The following SPIDR variants were observed in gnomAD, a reference collection of about 807,000 sequenced individuals.
SPIDR encodes DNA repair-scaffolding protein.
In SPIDR, 93 loss-of-function variants were observed where a neutral mutation model predicts 104.6. The observed-to-expected ratio is 0.89, with a 90% confidence interval of 0.75 to 1.06. SPIDR has a LOEUF of 1.06. Ranked by LOEUF, SPIDR falls within the 50% of genes least tolerant of loss-of-function variation. The pLI, the probability that SPIDR is intolerant of heterozygous loss-of-function variation, is 0.00. For synonymous variants in SPIDR, 431 were observed against 416.9 expected (o/e 1.03, Z -0.41); for missense variants, 1,154 against 1,111.2 (o/e 1.04, Z -0.55).
At chr8:47,684,139 A>AG (rs1438337069) in intron 11 of SPIDR, among the ~76,000 whole-genome samples, 5 of 151,388 alleles carry the variant, frequency 3.3e-5, no homozygotes, top group Non-Finnish European at 5.9e-5. Context: ...AAAAAAAAAA[A>AG]AAAAAAAAAA....
chr8:47,421,086 T>C (rs1408060649), intron 7 of SPIDR, among the ~76,000 whole-genome samples: 3 of 152,180 alleles, frequency 2.0e-5, no homozygotes, highest in Admixed American at 6.5e-5. Context: ...CAATTATGTG[T>C]CTTGGAGTTG....
At chr8:47,690,052 G>T (rs1170649513) in intron 11 of SPIDR, among the ~76,000 whole-genome samples, 2 of 150,990 alleles carry the variant, frequency 1.3e-5, no homozygotes, top group African/African-American at 4.9e-5. Context: ...TATAATATTT[G>T]GTTAAAAAAA....
chr8:47,683,897 C>T (rs1207324440), intron 11 of SPIDR, among the ~76,000 whole-genome samples: 1 of 151,860 alleles, frequency 6.6e-6, no homozygotes, highest in East Asian at 1.9e-4. Context: ...GTGGCTGAGG[C>T]GGGTGGATCA....
intron 5 of SPIDR, among the ~76,000 whole-genome samples, chr8:47,320,382 C>T (rs981904485): frequency 1.3e-5 from 2 of 152,168 alleles, no homozygotes; most frequent in African/African-American, 2.4e-5. Flanking sequence ...CATACACCCT[C>T]CCAAGACTAA....
chr8:47,700,007 A>AAT lies in SPIDR; in HGVS notation c.1686-388_1686-387dup, dbSNP rs558527295. ...AGGCTTCAGTCTTTTCCTTTGGCTT[A>AAT]ATATATATAGATGCATGCATAGATA... On this transcript the variant is annotated intron_variant, in intron 11 of 19. Transcript: ENST00000297423. 9.2e-5 allele frequency among the ~76,000 whole-genome samples: 14 copies of AAT among 152,318 alleles called. No individual in the cohort carries two copies. The South Asian group carries it at 2.7e-3, about 29-fold the overall frequency.
chr8:47,367,921 G>GTAGGAC (rs1266285560), intron 5 of SPIDR, among the ~76,000 whole-genome samples: 7 of 152,200 alleles, frequency 4.6e-5, no homozygotes, highest in African/African-American at 1.7e-4. Flanking sequence ...ATTAGAAATT[G>GTAGGAC]TAGGACGATG....
chr8:47,709,781 C>T (rs1661011944), intron 14 of SPIDR, among the ~76,000 whole-genome samples: 2 of 152,040 alleles, frequency 1.3e-5, no homozygotes, highest in Non-Finnish European at 2.9e-5. Context: ...GACCACTGGC[C>T]AAATCCAGAG....
intron 14 of SPIDR, among the ~76,000 whole-genome samples, chr8:47,709,997 C>T (rs2081623216): frequency 6.6e-6 from 1 of 151,652 alleles, no homozygotes; most frequent in South Asian, 2.1e-4. Flanking sequence ...CATGCCTCAG[C>T]CTCCAGAGGA....
At chr8:47,453,495 C>T (rs2072298187) in intron 8 of SPIDR, among the ~76,000 whole-genome samples, 1 of 152,158 alleles carries the variant, frequency 6.6e-6, no homozygotes, top group Non-Finnish European at 1.5e-5. Flanking sequence ...ACAAAAACAC[C>T]ATGGTACTGG....
At chr8:47,708,325 T>G (rs2081364510) in intron 14 of SPIDR, among the ~76,000 whole-genome samples, 1 of 152,070 alleles carries the variant, frequency 6.6e-6, no homozygotes, top group Non-Finnish European at 1.5e-5. Flanking sequence ...ACAAAAAACT[T>G]TCCCTGATTA....
chr8:47,527,211 G>T (rs1206894551), intron 8 of SPIDR, among the ~76,000 whole-genome samples: 1 of 152,162 alleles, frequency 6.6e-6, no homozygotes, highest in Non-Finnish European at 1.5e-5. Flanking sequence ...GCCCTCAAGA[G>T]AAACTGTTTT....
At chr8:47,371,912 G>T (rs572480139) in intron 5 of SPIDR, among the ~76,000 whole-genome samples, 2 of 152,088 alleles carry the variant, frequency 1.3e-5, no homozygotes, top group East Asian at 3.9e-4. Flanking sequence ...TGGTTCTGCC[G>T]TATTGACTAC....
intron 10 of SPIDR, among the ~76,000 whole-genome samples, chr8:47,632,708 G>T (rs1018975871): frequency 1.3e-5 from 2 of 152,170 alleles, no homozygotes; most frequent in African/African-American, 4.8e-5. Context: ...AAGATCCCAA[G>T]TGCCTGTTTT....
chr8:47,423,489 C>G (rs1199451333), intron 7 of SPIDR, among the ~76,000 whole-genome samples: 1 of 151,808 alleles, frequency 6.6e-6, no homozygotes, highest in African/African-American at 2.4e-5. Context: ...ACAATCCCAG[C>G]TATTCTGGAA....
At chr8:47,524,397 T>C (rs949561106) in intron 8 of SPIDR, among the ~76,000 whole-genome samples, 1 of 152,238 alleles carries the variant, frequency 6.6e-6, no homozygotes, top group Non-Finnish European at 1.5e-5. Context: ...GTATTTGGCA[T>C]GTGGCTCACT....
chr8:47,452,625 C>CTAT (rs1203993153), intron 8 of SPIDR, among the ~76,000 whole-genome samples: 2 of 152,168 alleles, frequency 1.3e-5, no homozygotes, highest in Non-Finnish European at 2.9e-5. Context: ...ATCATTATCT[C>CTAT]AATAGATGCA....
intron 5 of SPIDR, among the ~76,000 whole-genome samples, chr8:47,339,589 T>C (rs2050348853): frequency 6.6e-6 from 1 of 152,176 alleles, no homozygotes; most frequent in Non-Finnish European, 1.5e-5. Context: ...TTTAGAGGAC[T>C]GTTTAGAGTG....
intron 8 of SPIDR, among the ~76,000 whole-genome samples, chr8:47,535,164 G>A (rs1164217170): frequency 6.6e-6 from 1 of 152,124 alleles, no homozygotes; most frequent in Non-Finnish European, 1.5e-5. Flanking sequence ...CAAGCAGAAA[G>A]CACTGCTGGG....
At chr8:47,343,686 G>C (rs1396769531) in intron 5 of SPIDR, among the ~76,000 whole-genome samples, 1 of 152,186 alleles carries the variant, frequency 6.6e-6, no homozygotes, top group Non-Finnish European at 1.5e-5. Context: ...GAACTGATGG[G>C]CTAAAGTGTG....
Sources: gnomAD v4.1 joint callset for allele counts (sites outside exome capture counted in the v4.1 genomes callset) on GRCh38, gnomAD v4.1.1 for gene constraint, MANE v1.5 for transcripts, NCBI Gene and HGNC (gene_info 2026-07-23, HGNC 2026-07-21) for gene names.